The following ROBO2 variants were observed in gnomAD, a reference collection of about 807,000 sequenced individuals.
ROBO2 encodes the protein roundabout homolog 2.
In ROBO2, 53 loss-of-function variants were observed where a neutral mutation model predicts 160.8. The observed-to-expected ratio is 0.33, with a 90% CI of 0.26 to 0.41. ROBO2 has a LOEUF of 0.41. ROBO2 is among the 10% of genes least tolerant of loss of function. ROBO2 has a pLI of 1.00. For missense variants in ROBO2, 1,577 were observed against 1,722.4 expected (o/e 0.92, Z 1.49); for synonymous variants, 664 against 611.7 (o/e 1.09, Z -1.26).
chr3:77,586,266 A>G (rs576278448), intron 16 of ROBO2, among the ~76,000 whole-genome samples: 147 of 152,262 alleles, frequency 9.7e-4, no homozygotes, highest in African/African-American at 3.3e-3. Flanking sequence ...TAACCAATTT[A>G]CATTGACTTA....
At chr3:76,065,531 A>T (rs2068222466) in intron 2 of ROBO2, among the ~76,000 whole-genome samples, 1 of 151,928 alleles carries the variant, frequency 6.6e-6, no homozygotes, top group Non-Finnish European at 1.5e-5. Flanking sequence ...TTCTGTCTGT[A>T]AAAGCATCAG....
chr3:76,239,177 A>T (rs926852066), intron 2 of ROBO2, among the ~76,000 whole-genome samples: 5 of 151,598 alleles, frequency 3.3e-5, no homozygotes, highest in Non-Finnish European at 5.9e-5. Flanking sequence ...GTAGTTATAG[A>T]GATAGAGAGA....
At chr3:76,175,128 G>A (rs575283163) in intron 2 of ROBO2, among the ~76,000 whole-genome samples, 72 of 152,022 alleles carry the variant, frequency 4.7e-4, no homozygotes, top group Middle Eastern at 3.4e-3. Context: ...TAGCAATTGC[G>A]AATGGGAGTT....
At chr3:77,583,135 G>A (rs1448323524) in intron 16 of ROBO2, among the ~76,000 whole-genome samples, 2 of 136,554 alleles carry the variant, frequency 1.5e-5, no homozygotes, top group Non-Finnish European at 3.1e-5. Context: ...GGGTCACTGA[G>A]CGAGACTCTG....
At chr3:77,029,949 T>C (rs911574904) in intron 2 of ROBO2, among the ~76,000 whole-genome samples, 2 of 151,938 alleles carry the variant, frequency 1.3e-5, no homozygotes, top group African/African-American at 4.8e-5. Flanking sequence ...GCCATTCAGT[T>C]CTTTTTTTTT....
At chr3:77,320,189 C>T (rs960706927) in intron 2 of ROBO2, among the ~76,000 whole-genome samples, 1 of 152,130 alleles carries the variant, frequency 6.6e-6, no homozygotes, top group African/African-American at 2.4e-5. Flanking sequence ...TTCTCTTACC[C>T]TCTACCCTCT....
chr3:76,843,886 G>A (rs993955111), intron 2 of ROBO2, among the ~76,000 whole-genome samples: 2 of 152,008 alleles, frequency 1.3e-5, no homozygotes, highest in African/African-American at 4.8e-5. Context: ...AGGTTACCCT[G>A]ATCTTCTTGT....
chr3:76,960,532 T>A (rs1228067117), intron 2 of ROBO2, among the ~76,000 whole-genome samples: 1 of 152,158 alleles, frequency 6.6e-6, no homozygotes, highest in Non-Finnish European at 1.5e-5. Context: ...ATGTTTCATT[T>A]TTAAAGTCTC....
intron 2 of ROBO2, among the ~76,000 whole-genome samples, chr3:75,963,572 T>C (rs1157423298): frequency 6.6e-6 from 1 of 151,890 alleles, no homozygotes; most frequent in African/African-American, 2.4e-5. Context: ...AAAATGATGC[T>C]AACGTAGTTG....
chr3:76,270,284 A>T (rs1707353871), intron 2 of ROBO2, among the ~76,000 whole-genome samples: 1 of 152,066 alleles, frequency 6.6e-6, no homozygotes, highest in Non-Finnish European at 1.5e-5. Flanking sequence ...TCCCCTGCCT[A>T]GAACTGTGGG....
At chr3:76,917,686 GT>G (rs927866029) in intron 2 of ROBO2, among the ~76,000 whole-genome samples, 2 of 151,896 alleles carry the variant, frequency 1.3e-5, no homozygotes, top group Non-Finnish European at 2.9e-5. Context: ...GAAAATAAAA[GT>G]TTTTTTAAAA....
intron 2 of ROBO2, among the ~76,000 whole-genome samples, chr3:76,266,974 T>C (rs540608072): frequency 6.6e-6 from 1 of 152,310 alleles, no homozygotes; most frequent in African/African-American, 2.4e-5. Context: ...CTTTCGGTAC[T>C]TAAATTGAAA....
At chr3:76,425,561 G>A (rs189076722) in intron 2 of ROBO2, among the ~76,000 whole-genome samples, 2 of 150,860 alleles carry the variant, frequency 1.3e-5, no homozygotes, top group East Asian at 4.0e-4. Flanking sequence ...CTTCACCATG[G>A]TATACCCAAT....
At chr3:76,616,866 T>A (rs2088626030) in intron 2 of ROBO2, among the ~76,000 whole-genome samples, 1 of 152,074 alleles carries the variant, frequency 6.6e-6, no homozygotes, top group Non-Finnish European at 1.5e-5. Context: ...GCCCAAGTGA[T>A]CCTCCTGCCT....
rs547026800 is a variant in ROBO2 at position 77,172,405 on chromosome 3, A to AT, written c.388+74074dup. On this transcript the variant is annotated intron_variant, in intron 2 of 25. Coordinates refer to ENST00000461745, the Ensembl canonical transcript of ROBO2. ...ATTATTTTCTTAAATGTCTTTTCTG[A>AT]TTTTTTTTTAAAAATGTGTTAATTA... is the stretch of plus-strand genomic sequence containing the variant. Among the ~76,000 whole-genome samples, 545 of 151,800 alleles carry AT rather than the reference A, an allele frequency of 3.6e-3. 6 individuals carry two copies. The highest frequency in any genetic ancestry group is 5.0e-3 in the Non-Finnish European group (340 of 67,888).
At chr3:77,346,620 T>C (rs1486202865) in intron 2 of ROBO2, among the ~76,000 whole-genome samples, 1 of 152,124 alleles carries the variant, frequency 6.6e-6, no homozygotes, top group Non-Finnish European at 1.5e-5. Flanking sequence ...TTGGCCTTTC[T>C]AGAAATTCTA....
intron 2 of ROBO2, among the ~76,000 whole-genome samples, chr3:77,367,885 A>G (rs543075305): frequency 5.3e-4 from 80 of 152,278 alleles, no homozygotes; most frequent in African/African-American, 1.8e-3. Context: ...ATGTTATAAC[A>G]TTCTTTAATG....
intron 2 of ROBO2, among the ~76,000 whole-genome samples, chr3:77,462,806 G>A (rs1447848): frequency 0.26 from 39,305 of 151,496 alleles, 5,656 homozygotes; most frequent in South Asian, 0.4. Context: ...TTAGTTTCTT[G>A]TGTGTTCTTT....
At chr3:77,026,034 A>G (rs1343258287) in intron 2 of ROBO2, among the ~76,000 whole-genome samples, 4 of 152,346 alleles carry the variant, frequency 2.6e-5, no homozygotes, top group Non-Finnish European at 5.9e-5. Context: ...AAGAAGGGAC[A>G]CAAAATACAG....
Sources: gnomAD v4.1 joint callset for allele counts (sites outside exome capture counted in the v4.1 genomes callset) on GRCh38, gnomAD v4.1.1 for gene constraint, MANE v1.5 for transcripts, NCBI Gene and HGNC (gene_info 2026-07-23, HGNC 2026-07-21) for gene names.